GLYATL2: variants seen among roughly 807,000 people sequenced by gnomAD.
GLYATL2 encodes glycine-N-acyltransferase like 2.
In GLYATL2, 25 loss-of-function variants were observed where a neutral mutation model predicts 21.4. The ratio of observed to expected loss-of-function variants is 1.17; its 90% CI spans 0.85 to 1.63. The LOEUF is 1.63. Ranked by LOEUF, GLYATL2 falls within the 40% of genes most tolerant of loss-of-function variation. GLYATL2 has a pLI of 0.00. For synonymous variants in GLYATL2, 114 were observed against 118.2 expected (o/e 0.96, Z 0.23); for missense variants, 361 against 343.3 (o/e 1.05, Z -0.41).
chr11:58,876,393 G>T (rs561961398), intron 1 of GLYATL2, among the ~76,000 whole-genome samples: 113 of 152,244 alleles, frequency 7.4e-4, no homozygotes, highest in African/African-American at 2.7e-3. Flanking sequence ...CAGTTTTTCT[G>T]CTCTGTTTTT....
intron 1 of GLYATL2, among the ~76,000 whole-genome samples, chr11:58,870,261 A>G (rs1369687547): frequency 6.6e-6 from 1 of 152,182 alleles, no homozygotes; most frequent in Admixed American, 6.5e-5. Context: ...AGAGTTTTCT[A>G]TAGGTCTAAT....
At chr11:58,846,552 T>C (rs11229663), upstream of GLYATL2, among the ~76,000 whole-genome samples, 5,303 of 148,952 alleles carry the variant, frequency 0.036, 172 homozygotes, top group African/African-American at 0.067. Flanking sequence ...TTATGAGGCA[T>C]TGAACTCATT....
chr11:58,837,207 T>C lies in GLYATL2; in HGVS notation c.314-30A>G, dbSNP rs756607924. The C allele has an allele frequency of 1.9e-6, 3 of 1,613,126 alleles. No homozygotes were observed. The South Asian group carries it at 3.3e-5, about 18-fold the overall frequency. ...AGAAAGGAGAAAGACAAGTACCACT[T>C]TATGCCTTCCATATCGGCTAGGAAT... On this transcript the variant is annotated intron_variant, in intron 4 of 5. Transcript: ENST00000287275.
At chr11:58,896,143 C>A (rs1010075918) in intron 1 of GLYATL2, among the ~76,000 whole-genome samples, 1 of 152,172 alleles carries the variant, frequency 6.6e-6, no homozygotes, top group African/African-American at 2.4e-5. Context: ...GCATGAGCTA[C>A]CGCACCTGGC....
chr11:58,878,459 T>C, intron 1 of GLYATL2: 2 of 289,028 alleles, frequency 6.9e-6, no homozygotes, highest in Non-Finnish European at 1.2e-5. Context: ...AAATTTGTGA[T>C]CGAAACTGGG....
At chr11:58,905,469 G>A (rs1156547660), upstream of GLYATL2, 1 of 456,122 alleles carries the variant, frequency 2.2e-6, no homozygotes, top group African/African-American at 2.0e-5. Context: ...AAGCACCTTG[G>A]CGGGCTATTC....
chr11:58,854,233 C>T (rs1853789820), intron 1 of GLYATL2, among the ~76,000 whole-genome samples: 1 of 152,118 alleles, frequency 6.6e-6, no homozygotes, highest in Non-Finnish European at 1.5e-5. Flanking sequence ...GACTCTATGT[C>T]TTGGCTATTG....
intron 1 of GLYATL2, among the ~76,000 whole-genome samples, chr11:58,867,125 C>T (rs77234666): frequency 0.01 from 1,513 of 149,062 alleles, 122 homozygotes; most frequent in Non-Finnish European, 0.017. Flanking sequence ...AGTTTTAGGG[C>T]CTCATAGGGA....
intron 5 of GLYATL2, among the ~76,000 whole-genome samples, chr11:58,835,871 T>TG (rs937017437): frequency 4.6e-5 from 7 of 152,202 alleles, no homozygotes; most frequent in African/African-American, 1.7e-4. Context: ...CATTTATCAT[T>TG]TTCCCTGTGT....
chr11:58,846,147 A>C (rs1475687899), upstream of GLYATL2, among the ~76,000 whole-genome samples: 1 of 152,206 alleles, frequency 6.6e-6, no homozygotes, highest in Non-Finnish European at 1.5e-5. Context: ...TTATTCCATA[A>C]TTGACAGCAA....
rs574805827 is a variant in GLYATL2, at chr11:58,899,288, A to G, written n.60+4868T>C. On this transcript the variant is annotated intron_variant and non_coding_transcript_variant, in intron 1 of 4. Transcript: ENST00000533636. The stretch of plus-strand genomic sequence containing the variant: ...CACCTCAGGGGATTTCAGGATGTAC[A>G]GGGCAAAGCTGTCTCCCTCCACTCC... Among the ~76,000 whole-genome samples the G allele has an allele frequency of 5.3e-5, 8 of 152,258 alleles. No individual in the cohort carries two copies. In the South Asian group the frequency reaches 1.7e-3, roughly 32 times the overall value.
chr11:58,869,002 C>T (rs1369788918), intron 1 of GLYATL2, among the ~76,000 whole-genome samples: 1 of 129,740 alleles, frequency 7.7e-6, no homozygotes, highest in Non-Finnish European at 1.7e-5. Flanking sequence ...TGTGTCCAGG[C>T]AAGTGAGTGT....
In GLYATL2 at chr11:58,865,149, C is replaced by CAAA. The variant is rs10700735; in HGVS notation, n.61-26784_61-26782dup. On this transcript the variant is annotated intron_variant and non_coding_transcript_variant, in intron 1 of 4. Transcript: ENST00000533636. ...GTCATACCACAATAAAGTAGTTCTGCAAAAAAAAGGAAAGTTAAACGCAAT... is the reference window on the plus strand; with the variant it reads ...GTCATACCACAATAAAGTAGTTCTGCAAAAAAAAAAAGGAAAGTTAAACGCAAT... Among the ~76,000 whole-genome samples the CAAA allele has an allele frequency of 8.9e-4, 129 of 144,602 alleles. 11 individuals carry two copies. Among genetic ancestry groups the CAAA allele is most frequent in the Middle Eastern group, 7.0e-3 (2 of 284 alleles). 94.9% of individuals were successfully genotyped at this position (144,602 alleles called of 152,430 possible). A position where few individuals can be genotyped will look rare whatever the true frequency, so the allele number is the denominator to read the frequency against.
upstream of GLYATL2, among the ~76,000 whole-genome samples, chr11:58,845,858 T>C (rs547374794): frequency 6.6e-6 from 1 of 152,242 alleles, no homozygotes; most frequent in African/African-American, 2.4e-5. Context: ...TATATCTTCT[T>C]ACAAACCTAA....
chr11:58,907,145 C>CTCTTTCCAAGAGAAAACCGA, upstream of GLYATL2: 1 of 372,402 alleles, frequency 2.7e-6, no homozygotes, highest in Middle Eastern at 4.2e-4. Flanking sequence ...GGAAAGTTTT[C>CTCTTTCCAAGAGAAAACCGA]TCAGCCGGGG....
intron 1 of GLYATL2, among the ~76,000 whole-genome samples, chr11:58,887,775 C>T (rs1445980734): frequency 6.6e-6 from 1 of 152,134 alleles, no homozygotes; most frequent in Non-Finnish European, 1.5e-5. Context: ...TACTTCTTTG[C>T]CACTAAAAAC....
At chr11:58,869,792 A>T (rs538438766) in intron 1 of GLYATL2, among the ~76,000 whole-genome samples, 11 of 152,226 alleles carry the variant, frequency 7.2e-5, no homozygotes, top group Non-Finnish European at 1.5e-4. Context: ...AAATGTCTTC[A>T]GAATTGTCAG....
At chr11:58,894,161 A>T (rs904013309) in intron 1 of GLYATL2, among the ~76,000 whole-genome samples, 1 of 152,152 alleles carries the variant, frequency 6.6e-6, no homozygotes, top group East Asian at 1.9e-4. Context: ...AAGTATGGTT[A>T]TAAGTTCAGC....
At chr11:58,848,981 G>A (rs1853691349), upstream of GLYATL2, among the ~76,000 whole-genome samples, 1 of 152,118 alleles carries the variant, frequency 6.6e-6, no homozygotes, top group Admixed American at 6.5e-5. Flanking sequence ...ATACAATGGA[G>A]ATACAATACA....
Sources: gnomAD v4.1 joint callset for allele counts (sites outside exome capture counted in the v4.1 genomes callset) on GRCh38, gnomAD v4.1.1 for gene constraint, MANE v1.5 for transcripts, NCBI Gene and HGNC (gene_info 2026-07-23, HGNC 2026-07-21) for gene names.